Variants in ERGIC2 observed in about 807,000 individuals in gnomAD.
ERGIC2 encodes ERGIC and golgi 2.
A neutral mutation model predicts 52.5 loss-of-function variants in ERGIC2; 31 were observed. The observed-to-expected ratio is 0.59, with a 90% CI of 0.44 to 0.80. ERGIC2 has a LOEUF of 0.80. Ranked by LOEUF, ERGIC2 falls within the 30% of genes least tolerant of loss-of-function variation. ERGIC2 has a pLI of 0.00. For synonymous variants in ERGIC2, 129 were observed against 140.6 expected, an observed-to-expected ratio of 0.92 and a Z score of 0.58; for missense variants, 395 against 455.2, an observed-to-expected ratio of 0.87 and a Z score of 1.20.
chr12:29,361,588 A>C, intron 6 of ERGIC2, 57 bp downstream of exon 6: 2 of 1,343,724 alleles, frequency 1.5e-6, no homozygotes, highest in Non-Finnish European at 2.1e-6. Context: ...AATAGTTTAC[A>C]ATAGACAAAA....
In ERGIC2 at chr12:29,368,246, C is replaced by T. The variant is rs1447872656; in HGVS notation, c.257G>A (p.Cys86Tyr). The T allele has an allele frequency of 1.3e-6, 2 of 1,570,524 alleles. No individual in the cohort carries two copies. The highest frequency in any genetic ancestry group is 1.8e-6 in the Non-Finnish European group (2 of 1,141,662). Residue 86 changes from cysteine (C) to tyrosine (Y), a missense_variant, in exon 4 of 14, where the codon TGT becomes TAT. Cys to Tyr is a radical substitution (Grantham distance 194, BLOSUM62 -2). Transcript: ENST00000360150. ...INIDITVAMK[C>Y]QYVGADVLDL... The stretch of plus-strand genomic sequence containing the variant: ...CAAGTTGAAGGTGTACTTACATTGA[C>T]ACTTCATGGCAACAGTAATATCTAT...
rs183988955 is a variant in ERGIC2 at position 29,366,830 on chromosome 12, G to A, written c.333+47C>T. The A allele has an allele frequency of 6.4e-5, 75 of 1,171,404 alleles. No individual in the cohort carries two copies. The East Asian group carries it at 1.2e-3, about 18-fold the overall frequency. The allele number at this position is 1,171,404 out of a possible 1,614,324, so 72.6% of individuals were successfully genotyped here. On this transcript the variant is annotated intron_variant, in intron 5 of 13. Coordinates refer to ENST00000360150, the MANE Select transcript of ERGIC2 (RefSeq NM_016570.3). ...AGCAACTATCTGTCTTCAAGCGTAC[G>A]ATTCCTCAACCCGTGTATTTCAAAA... is the stretch of plus-strand genomic sequence containing the variant.
chr12:29,376,664 C>T (rs1940519296), intron 1 of ERGIC2, among the ~76,000 whole-genome samples: 1 of 152,176 alleles, frequency 6.6e-6, no homozygotes, highest in South Asian at 2.1e-4. Context: ...TCTTCATTTT[C>T]ACTGGTGTTC....
At chr12:29,368,089 G>A (rs1940389665) in intron 4 of ERGIC2, 152 bp downstream of exon 4, 1 of 613,364 alleles carries the variant, frequency 1.6e-6, no homozygotes, top group South Asian at 2.0e-5. Flanking sequence ...AAGCTGAGGA[G>A]TAAAACAATT....
At chr12:29,359,738 T>G (rs961785336) in intron 6 of ERGIC2, among the ~76,000 whole-genome samples, 5 of 151,726 alleles carry the variant, frequency 3.3e-5, no homozygotes, top group Admixed American at 6.6e-5. Flanking sequence ...AGAGAAAGAC[T>G]CTTGGAATAT....
intron 5 of ERGIC2, among the ~76,000 whole-genome samples, chr12:29,365,839 A>G (rs756154432): frequency 3.9e-5 from 6 of 152,048 alleles, no homozygotes; most frequent in Admixed American, 6.6e-5. Context: ...CTCATAAAAA[A>G]TTACTTCAAA....
chr12:29,351,348 A>G (rs1191495751), intron 8 of ERGIC2, among the ~76,000 whole-genome samples: 1 of 152,182 alleles, frequency 6.6e-6, no homozygotes, highest in Non-Finnish European at 1.5e-5. Context: ...GTTATAATAC[A>G]TTTGTAACAT....
intron 11 of ERGIC2, among the ~76,000 whole-genome samples, chr12:29,344,253 G>A (rs1292460493): frequency 1.3e-5 from 2 of 152,036 alleles, no homozygotes; most frequent in East Asian, 1.9e-4. Context: ...TTTGCCCACC[G>A]TATCTTTGGA....
chr12:29,362,772 T>C (rs1366879449), intron 5 of ERGIC2, among the ~76,000 whole-genome samples: 1 of 152,164 alleles, frequency 6.6e-6, no homozygotes, highest in Non-Finnish European at 1.5e-5. Flanking sequence ...TTTCTGATGT[T>C]TCCTTTGATT....
chr12:29,375,273 T>G (rs1399676071), intron 1 of ERGIC2, among the ~76,000 whole-genome samples: 1 of 152,200 alleles, frequency 6.6e-6, no homozygotes, highest in Non-Finnish European at 1.5e-5. Flanking sequence ...TAATTGCCTC[T>G]TTTTCTGTTT....
chr12:29,369,288 C>A (rs936060735), intron 3 of ERGIC2, among the ~76,000 whole-genome samples: 2 of 151,876 alleles, frequency 1.3e-5, no homozygotes, highest in African/African-American at 4.8e-5. Flanking sequence ...GTGCTGAAAA[C>A]AACAACAAAT....
At position 29,341,196 on chromosome 12, in the gene ERGIC2, G is replaced by T; in HGVS notation, c.1094C>A (p.Thr365Lys). 6.2e-7 allele frequency: 1 copy of T among 1,609,710 alleles called. No homozygotes were observed. The highest frequency in any genetic ancestry group is 8.5e-7 in the Non-Finnish European group (1 of 1,177,512). ...TTCTAAAAGAGGTAAGTGGTTGTCT[G>T]TGTGGCCATCCTCAAAAGGAACCTA... Reference protein sequence around the residue: ...VNSVPFEDGHTDNHLPLLENN... With the variant: ...VNSVPFEDGHKDNHLPLLENN... The change falls in exon 14 of 14, where the codon ACA becomes AAA. Residue 365 changes from threonine to lysine, a missense_variant. Coordinates refer to ENST00000360150, the MANE Select transcript of ERGIC2 (RefSeq NM_016570.3).
intron 5 of ERGIC2, among the ~76,000 whole-genome samples, chr12:29,364,451 T>C (rs1940330631): frequency 6.6e-6 from 1 of 151,998 alleles, no homozygotes; most frequent in South Asian, 2.1e-4. Flanking sequence ...TATACAAAAA[T>C]TAACTCAAGA....
At chr12:29,376,789 A>G (rs1940521110) in intron 1 of ERGIC2, among the ~76,000 whole-genome samples, 1 of 152,182 alleles carries the variant, frequency 6.6e-6, no homozygotes, top group Non-Finnish European at 1.5e-5. Flanking sequence ...AATACCTCAG[A>G]TCATCAATGC....
intron 5 of ERGIC2, among the ~76,000 whole-genome samples, chr12:29,363,567 A>G (rs1940314834): frequency 6.6e-6 from 1 of 151,992 alleles, no homozygotes; most frequent in South Asian, 2.1e-4. Flanking sequence ...TTTAATTATA[A>G]CAATTTAAAT....
Position 29,340,564 on chromosome 12 carries a change from G to C in ERGIC2, c.*592C>G, listed in dbSNP as rs1354804211. 9.9e-6 allele frequency: 2 copies of C among 201,554 alleles called. No individual in the cohort carries two copies. Among genetic ancestry groups the C allele is most frequent in the African/African-American group, 4.8e-5 (2 of 41,778 alleles). The allele number at this position is 201,554 out of a possible 1,614,324, so 12.5% of individuals were successfully genotyped here. On this transcript the variant is annotated 3_prime_UTR_variant, in exon 14 of 14. Coordinates refer to ENST00000360150, the MANE Select transcript of ERGIC2 (RefSeq NM_016570.3). ...GTCAATAACCAGAGTTCAAAGAAAA[G>C]TAGTTACTTTTTAAGACCAAATTAT...
chr12:29,360,578 T>C (rs1258143382), intron 6 of ERGIC2, among the ~76,000 whole-genome samples: 1 of 147,836 alleles, frequency 6.8e-6, no homozygotes, highest in Non-Finnish European at 1.5e-5. Flanking sequence ...TACTCATATA[T>C]GATATACAAG....
At chr12:29,368,529 C>T (rs1327291407) in intron 3 of ERGIC2, among the ~76,000 whole-genome samples, 1 of 151,774 alleles carries the variant, frequency 6.6e-6, no homozygotes, top group Non-Finnish European at 1.5e-5. Context: ...TTAATAATGG[C>T]AACTCTATAA....
At chr12:29,341,318 T>C (rs1306317345) in intron 13 of ERGIC2, 100 bp from the exon 14 acceptor site, 1 of 885,286 alleles carries the variant, frequency 1.1e-6, no homozygotes, top group African/African-American at 1.7e-5. Flanking sequence ...TCCTTTCTAG[T>C]AACCAAAAGC....
Sources: allele counts gnomAD v4.1 joint callset (sites outside exome capture counted in the v4.1 genomes callset), GRCh38; gene constraint gnomAD v4.1.1; transcripts MANE v1.5; gene names NCBI Gene and HGNC (gene_info 2026-07-23, HGNC 2026-07-21).